The following MAL2 variants were observed in gnomAD, a reference collection of about 807,000 sequenced individuals.
MAL2 encodes the protein mal, T cell differentiation protein 2.
In MAL2, 17 loss-of-function variants were observed where a neutral mutation model predicts 18.1. The ratio of observed to expected loss-of-function variants is 0.94; its 90% CI spans 0.64 to 1.41. The LOEUF (loss-of-function observed/expected upper bound fraction) is 1.41, where lower values mean the gene tolerates loss of function less well. MAL2 is among the 40% of genes most tolerant of loss of function. The probability of loss-of-function intolerance (pLI) is 0.00; values close to 1 mark genes in which losing one functional copy is unlikely to be tolerated. For missense variants in MAL2, 222 were observed against 231.9 expected, an observed-to-expected ratio of 0.96 and a Z score of 0.28; for synonymous variants, 102 against 102.3, an observed-to-expected ratio of 1.00 and a Z score of 0.02.
rs1397693851 is a variant in MAL2 at position 119,245,617 on chromosome 8, A to G, written c.*2129A>G. The G allele has an allele frequency of 6.6e-6, 1 of 152,346 alleles. No individual in the cohort carries two copies. The highest frequency in any genetic ancestry group is 2.4e-5 in the African/African-American group (1 of 41,430). 9.4% of individuals were successfully genotyped at this position (152,346 alleles called of 1,614,324 possible). On this transcript the variant is annotated 3_prime_UTR_variant, in exon 4 of 4. Transcript: ENST00000614891. The stretch of plus-strand genomic sequence containing the variant: ...GGTTTTAAAATCTGGTAACTCCATG[A>G]TGAAAAGAAATTTATTTTATACGTG...
At chr8:119,240,937 A>G (rs1269685497) in intron 3 of MAL2, among the ~76,000 whole-genome samples, 1 of 152,188 alleles carries the variant, frequency 6.6e-6, no homozygotes, top group East Asian at 1.9e-4. Context: ...CATTTTGTGT[A>G]GATAATTTGA....
chr8:119,225,642 G>C (rs1400183846), intron 2 of MAL2, among the ~76,000 whole-genome samples: 1 of 152,174 alleles, frequency 6.6e-6, no homozygotes, highest in African/African-American at 2.4e-5. Context: ...CCCAGTAATG[G>C]GATGGCTGGG....
intron 1 of MAL2, among the ~76,000 whole-genome samples, chr8:119,210,890 C>T (rs936556512): frequency 1.3e-5 from 2 of 152,138 alleles, no homozygotes; most frequent in African/African-American, 4.8e-5. Context: ...TCTCCCCCAC[C>T]CCATTGAAAA....
intron 2 of MAL2, among the ~76,000 whole-genome samples, chr8:119,239,156 C>A (rs1168855861): frequency 6.6e-6 from 1 of 151,944 alleles, no homozygotes; most frequent in African/African-American, 2.4e-5. Flanking sequence ...TTTATGCAGC[C>A]AAAAAACACA....
In MAL2 at chr8:119,234,451, C is replaced by G. The variant is rs544230007; in HGVS notation, c.304-5714C>G. Among the ~76,000 whole-genome samples, 1,025 of 152,290 alleles carry G rather than the reference C, an allele frequency of 6.7e-3. 6 individuals carry two copies. Among genetic ancestry groups the G allele is most frequent in the Non-Finnish European group, 0.012 (797 of 68,028 alleles). ...GCCCGGAAGCTCGAACTGGGTGGAGCCCACCACAGCTCAAGAAGGCCTGCC... is the reference window on the plus strand; with the variant it reads ...GCCCGGAAGCTCGAACTGGGTGGAGGCCACCACAGCTCAAGAAGGCCTGCC... On this transcript the variant is annotated intron_variant, in intron 2 of 3. Coordinates refer to ENST00000614891, the MANE Select transcript of MAL2 (RefSeq NM_052886.3).
chr8:119,233,670 T>G (rs1006977790), intron 2 of MAL2, among the ~76,000 whole-genome samples: 1 of 152,086 alleles, frequency 6.6e-6, no homozygotes, highest in African/African-American at 2.4e-5. Context: ...GCTCTGAAAT[T>G]GTGGCAATAA....
intron 1 of MAL2, among the ~76,000 whole-genome samples, chr8:119,212,591 G>A (rs1436964079): frequency 6.6e-6 from 1 of 152,172 alleles, no homozygotes; most frequent in Admixed American, 6.5e-5. Flanking sequence ...TGCTAATATA[G>A]GTTTATAAAA....
At chr8:119,212,431 T>C (rs1357524881) in intron 1 of MAL2, among the ~76,000 whole-genome samples, 1 of 152,202 alleles carries the variant, frequency 6.6e-6, no homozygotes, top group African/African-American at 2.4e-5. Context: ...GTAATTTTCA[T>C]TTACTCAGCT....
chr8:119,233,376 A>G (rs1209792427), intron 2 of MAL2, among the ~76,000 whole-genome samples: 2 of 152,202 alleles, frequency 1.3e-5, no homozygotes, highest in South Asian at 2.1e-4. Flanking sequence ...TAAAAAATTA[A>G]TGAATCCAGG....
Position 119,208,501 on chromosome 8 carries a change from C to A in MAL2, c.29C>A (p.Pro10Gln). Residue 10 changes from proline to glutamine, a missense_variant, in exon 1 of 4, where the codon CCG (proline) becomes CAG (glutamine). Physicochemically the swap from Pro to Gln is moderately conservative, Grantham distance 76. Transcript: ENST00000614891. The surrounding 1 kb of genome is among the most constrained non-coding windows in gnomAD (Gnocchi z 4.3). MSAGGASVP[P>Q]PPNPAVSFPP... ...TCGGCCGGCGGAGCGTCAGTCCCGCCGCCCCCGAACCCCGCCGTGTCCTTC... is the reference window on the plus strand; with the variant it reads ...TCGGCCGGCGGAGCGTCAGTCCCGCAGCCCCCGAACCCCGCCGTGTCCTTC... The A allele has an allele frequency of 1.5e-6, 2 of 1,310,200 alleles. No individual in the cohort carries two copies. Among genetic ancestry groups the A allele is most frequent in the Non-Finnish European group, 1.9e-6 (2 of 1,027,908 alleles). 81.2% of individuals were successfully genotyped at this position (1,310,200 alleles called of 1,614,324 possible).
chr8:119,224,643 C>T (rs75226138), intron 2 of MAL2, among the ~76,000 whole-genome samples: 1,985 of 152,084 alleles, frequency 0.013, 20 homozygotes, highest in Admixed American at 0.026. Context: ...AACAGCCCCC[C>T]GAGTAGTATA....
intron 1 of MAL2, chr8:119,221,120 CT>C (rs1367823419): frequency 6.4e-6 from 1 of 156,050 alleles, no homozygotes; most frequent in African/African-American, 2.4e-5. Flanking sequence ...ATTTTTTTTA[CT>C]AACTCTCTAA....
At chr8:119,238,949 T>C (rs1358249778) in intron 2 of MAL2, among the ~76,000 whole-genome samples, 1 of 151,464 alleles carries the variant, frequency 6.6e-6, no homozygotes. Context: ...ACTAAAGAGC[T>C]TCTGCACAGC....
At chr8:119,239,925 C>T (rs1220515567) in intron 2 of MAL2, among the ~76,000 whole-genome samples, 1 of 152,118 alleles carries the variant, frequency 6.6e-6, no homozygotes, top group East Asian at 1.9e-4. Flanking sequence ...AATAAAATTA[C>T]ATATTATAAA....
intron 2 of MAL2, among the ~76,000 whole-genome samples, chr8:119,230,932 T>C (rs1817707778): frequency 6.6e-6 from 1 of 152,232 alleles, no homozygotes; most frequent in African/African-American, 2.4e-5. Context: ...AGTTTACAAA[T>C]GAGAGTTATT....
chr8:119,231,595 G>C (rs1278275451), intron 2 of MAL2, among the ~76,000 whole-genome samples: 1 of 151,904 alleles, frequency 6.6e-6, no homozygotes, highest in African/African-American at 2.4e-5. Flanking sequence ...CCCACGCCTG[G>C]GTATATATCC....
At chr8:119,211,307 G>A (rs1397098227) in intron 1 of MAL2, among the ~76,000 whole-genome samples, 1 of 152,164 alleles carries the variant, frequency 6.6e-6, no homozygotes, top group Non-Finnish European at 1.5e-5. Flanking sequence ...ACCTCTGCCG[G>A]TGTTTCTGGA....
intron 2 of MAL2, among the ~76,000 whole-genome samples, chr8:119,229,098 C>T (rs1477659181): frequency 6.6e-6 from 1 of 152,164 alleles, no homozygotes; most frequent in Non-Finnish European, 1.5e-5. Flanking sequence ...GGATTGCTAA[C>T]ATCAACTCGA....
Position 119,235,318 on chromosome 8 carries a change from G to T in MAL2, c.304-4847G>T, listed in dbSNP as rs368688927. Among the ~76,000 whole-genome samples, 1,044 of 152,192 alleles carry T rather than the reference G, an allele frequency of 6.9e-3. 10 individuals carry two copies. Among genetic ancestry groups the T allele is most frequent in the African/African-American group, 0.022 (922 of 41,534 alleles). On this transcript the variant is annotated intron_variant, in intron 2 of 3. Transcript: ENST00000614891. Reference sequence around the variant, plus strand: ...GACTATGTGAAAAGACCAAATCTACGTCTGATTGGGGTACCTGAAAGTGAT... The same window carrying T: ...GACTATGTGAAAAGACCAAATCTACTTCTGATTGGGGTACCTGAAAGTGAT...
Sources: allele counts gnomAD v4.1 joint callset (sites outside exome capture counted in the v4.1 genomes callset), GRCh38; gene constraint gnomAD v4.1.1; non-coding constraint Gnocchi (gnomAD v3.1); transcripts MANE v1.5; gene names NCBI Gene and HGNC (gene_info 2026-07-23, HGNC 2026-07-21).